VPS33A: variants seen among roughly 807,000 people sequenced by gnomAD.
VPS33A encodes the protein VPS33A core subunit of CORVET and HOPS complexes.
In VPS33A, 32 loss-of-function variants were observed where a neutral mutation model predicts 71.8. That is an observed-to-expected ratio of 0.45 (90% CI 0.34 to 0.60). The LOEUF (loss-of-function observed/expected upper bound fraction) is 0.60. Ranked by LOEUF, VPS33A falls within the 20% of genes least tolerant of loss-of-function variation. The pLI, the probability that VPS33A is intolerant of heterozygous loss-of-function variation, is 0.02. For synonymous variants in VPS33A, 311 were observed against 292.7 expected, an observed-to-expected ratio of 1.06 and a Z score of -0.64; for missense variants, 625 against 748.5, an observed-to-expected ratio of 0.84 and a Z score of 1.92.
At chr12:122,242,188 A>G (rs1954723562) in intron 8 of VPS33A, among the ~76,000 whole-genome samples, 194 bp downstream of exon 8, 1 of 152,028 alleles carries the variant, frequency 6.6e-6, no homozygotes, top group South Asian at 2.1e-4. Context: ...GATTACAGGC[A>G]TGAGCCACCA....
Position 122,232,382 on chromosome 12 carries a change from C to A in VPS33A, c.1655G>T (p.Gly552Val). Reference sequence around the variant, plus strand: ...GGCAGCAATTTCAGCGAAGGTTACGCCCCCAAGGAAAAATATCAGAGTCAC... The same window carrying A: ...GGCAGCAATTTCAGCGAAGGTTACGACCCCAAGGAAAAATATCAGAGTCAC... Reference protein sequence around the residue: ...NRVTLIFFLGGVTFAEIAALR... With the variant: ...NRVTLIFFLGVVTFAEIAALR... Residue 552 changes from glycine (G) to valine (V), a missense_variant, in exon 13 of 13, where the codon GGC becomes GTC. Gly to Val is a moderately radical substitution (Grantham distance 109). Transcript: ENST00000267199. 1 of 1,614,038 alleles carries A rather than the reference C, an allele frequency of 6.2e-7. No individual in the cohort carries two copies. Among genetic ancestry groups the A allele is most frequent in the Non-Finnish European group, 8.5e-7 (1 of 1,179,998 alleles).
At chr12:122,239,020 CA>C (rs60904885) in intron 9 of VPS33A, among the ~76,000 whole-genome samples, 3,818 of 147,914 alleles carry the variant, frequency 0.026, 162 homozygotes, top group African/African-American at 0.088. Context: ...CACACACACA[CA>C]CCCCCCAGTG....
intron 1 of VPS33A, among the ~76,000 whole-genome samples, chr12:122,265,089 A>G (rs1014659068): frequency 1.3e-5 from 2 of 151,560 alleles, no homozygotes; most frequent in Non-Finnish European, 2.9e-5. Flanking sequence ...CATCACGCTA[A>G]TTTTTATTTT....
At chr12:122,242,027 C>G (rs1454871459) in intron 8 of VPS33A, among the ~76,000 whole-genome samples, 1 of 152,158 alleles carries the variant, frequency 6.6e-6, no homozygotes, top group Non-Finnish European at 1.5e-5. Flanking sequence ...CCTGCCTCAG[C>G]CTCCCAGGTA....
intron 2 of VPS33A, 121 bp from the exon 3 acceptor site, chr12:122,263,820 G>T: frequency 7.8e-7 from 1 of 1,283,176 alleles, no homozygotes; most frequent in Non-Finnish European, 1.0e-6. Context: ...TCAAAATTTA[G>T]ATTCCCTCAA....
In VPS33A at chr12:122,233,055, T is replaced by C. The variant is rs541342510; in HGVS notation, c.1441-87A>G. ...GGCCTTTTGGGTAATCCAAAATTATTTGATTTGGATTTAAAGATATACAAC... is the reference window on the plus strand; with the variant it reads ...GGCCTTTTGGGTAATCCAAAATTATCTGATTTGGATTTAAAGATATACAAC... On this transcript the variant is annotated intron_variant, in intron 11 of 12. Transcript: ENST00000267199. The C allele has an allele frequency of 3.6e-6, 5 of 1,370,676 alleles. No homozygotes were observed. The East Asian group carries it at 7.9e-5, about 22-fold the overall frequency. The allele number at this position is 1,370,676 out of a possible 1,614,324, so 84.9% of individuals were successfully genotyped here.
chr12:122,249,955 C>T lies in VPS33A; in HGVS notation c.691G>A (p.Asp231Asn). ...FPVFDNLLLL[D>N]RNVDLLTPLA... ...GGTGTTAATAAATCCACATTCCGAT[C>T]AAGCAACAAGAGATTATCAAAAACA... Residue 231 changes from aspartate to asparagine, a missense_variant, in exon 6 of 13, where the codon GAT becomes AAT. Transcript: ENST00000267199. 1.2e-6 allele frequency: 2 copies of T among 1,614,132 alleles called. No individual in the cohort carries two copies. The highest frequency in any genetic ancestry group is 1.7e-6 in the Non-Finnish European group (2 of 1,180,016).
At chr12:122,262,603 C>CTTT (rs5801474) in intron 3 of VPS33A, among the ~76,000 whole-genome samples, 11,940 of 138,382 alleles carry the variant, frequency 0.086, 657 homozygotes, top group African/African-American at 0.15. Flanking sequence ...ATTTAATCAG[C>CTTT]TTTTTTTTTT....
intron 10 of VPS33A, among the ~76,000 whole-genome samples, chr12:122,238,195 A>C (rs909850893): frequency 5.3e-5 from 8 of 152,030 alleles, no homozygotes; most frequent in African/African-American, 1.9e-4. Flanking sequence ...GCAGCTTTGT[A>C]ATTTTTATTT....
In VPS33A at chr12:122,232,199, G is replaced by A; in HGVS notation, c.*47C>T. ...ACTTCCTTTCAGCAATTTCTTCAAA[G>A]AGGTAGTTTATTCTGCAGTACACTT... On this transcript the variant is annotated 3_prime_UTR_variant, in exon 13 of 13. Coordinates refer to ENST00000267199, the MANE Select transcript of VPS33A (RefSeq NM_022916.6). The A allele has an allele frequency of 6.6e-7, 1 of 1,524,734 alleles. No homozygotes were observed. The allele number at this position is 1,524,734 out of a possible 1,614,324, so 94.5% of individuals were successfully genotyped here. A position where few individuals can be genotyped will look rare whatever the true frequency, so the allele number is the denominator to read the frequency against.
intron 8 of VPS33A, among the ~76,000 whole-genome samples, chr12:122,240,148 C>T (rs1212472813): frequency 6.6e-6 from 1 of 151,750 alleles, no homozygotes; most frequent in African/African-American, 2.4e-5. Flanking sequence ...ACCAACATGG[C>T]CAAACCCCAT....
intron 8 of VPS33A, 96 bp downstream of exon 8, chr12:122,242,286 C>T: frequency 2.1e-6 from 3 of 1,462,410 alleles, no homozygotes; most frequent in Non-Finnish European, 2.8e-6. Flanking sequence ...AGAGCTGACT[C>T]TCCCGAAGAG....
intron 3 of VPS33A, 128 bp from the exon 4 acceptor site, chr12:122,261,575 T>C: frequency 1.1e-6 from 1 of 880,536 alleles, no homozygotes; most frequent in Non-Finnish European, 1.8e-6. Flanking sequence ...ATCATATAAA[T>C]ACTGACTCTC....
chr12:122,265,851 A>C, intron 1 of VPS33A: 1 of 378,396 alleles, frequency 2.6e-6, no homozygotes, highest in South Asian at 1.8e-5. Context: ...GGCCAGGTTA[A>C]AAGCCCAAAT....
intron 5 of VPS33A, 149 bp downstream of exon 5, chr12:122,250,834 G>A: frequency 1.5e-6 from 1 of 658,104 alleles, no homozygotes; most frequent in Non-Finnish European, 2.7e-6. Flanking sequence ...AGGGTTATAA[G>A]TGCATTTTAA....
At chr12:122,263,485 G>T in intron 3 of VPS33A, 87 bp downstream of exon 3, 23 of 1,452,984 alleles carry the variant, frequency 1.6e-5, no homozygotes, top group Admixed American at 4.5e-5. Flanking sequence ...ACTGGCAAGA[G>T]TGAGGGTCTT....
intron 4 of VPS33A, among the ~76,000 whole-genome samples, chr12:122,258,137 C>A (rs531289205): frequency 6.6e-6 from 1 of 151,998 alleles, no homozygotes; most frequent in Non-Finnish European, 1.5e-5. Flanking sequence ...CACCTGTAAT[C>A]CCAGCACTTT....
chr12:122,236,273 C>T (rs1316266306), intron 10 of VPS33A, among the ~76,000 whole-genome samples: 2 of 151,886 alleles, frequency 1.3e-5, no homozygotes, highest in Non-Finnish European at 2.9e-5. Flanking sequence ...TGTATACATC[C>T]TGATAAGAAA....
rs1403813461 is a variant in VPS33A, at chr12:122,244,555, A to C, written c.969+14T>G. 6.3e-7 allele frequency: 1 copy of C among 1,579,424 alleles called. No individual in the cohort carries two copies. The highest frequency in any genetic ancestry group is 1.3e-5 in the African/African-American group (1 of 74,512). On this transcript the variant is annotated intron_variant, in intron 7 of 12. Transcript: ENST00000267199. ...GGCCTAGAGTTGCAGAATGACACCC[A>C]AAACTTGCCTCACCTCGAATGCTGC...
Sources: allele counts gnomAD v4.1 joint callset (sites outside exome capture counted in the v4.1 genomes callset), GRCh38; gene constraint gnomAD v4.1.1; transcripts MANE v1.5; gene names NCBI Gene and HGNC (gene_info 2026-07-23, HGNC 2026-07-21).